SLC9B1: variants seen among roughly 807,000 people sequenced by gnomAD.
SLC9B1 encodes sodium/hydrogen exchanger 9B1.
In SLC9B1, 32 loss-of-function variants were observed where a neutral mutation model predicts 51.7. That is an observed-to-expected ratio of 0.62 (90% CI 0.47 to 0.83). SLC9B1 has a LOEUF of 0.83. Ranked by LOEUF, SLC9B1 falls within the 40% of genes least tolerant of loss-of-function variation. The probability of loss-of-function intolerance (pLI) is 0.00; values close to 1 mark genes in which losing one functional copy is unlikely to be tolerated. For synonymous variants in SLC9B1, 145 were observed against 212.7 expected, an observed-to-expected ratio of 0.68 and a Z score of 2.77; for missense variants, 406 against 613.2, an observed-to-expected ratio of 0.66 and a Z score of 3.57.
At chr4:102,915,117 T>C (rs1183476853) in intron 7 of SLC9B1, among the ~76,000 whole-genome samples, 2 of 147,086 alleles carry the variant, frequency 1.4e-5, no homozygotes, top group South Asian at 2.1e-4. Flanking sequence ...AAAAAAAAAC[T>C]GTCAACCAAG....
intron 7 of SLC9B1, among the ~76,000 whole-genome samples, chr4:102,915,783 G>A (rs2110437285): frequency 6.6e-6 from 1 of 152,316 alleles, no homozygotes; most frequent in Non-Finnish European, 1.5e-5. Flanking sequence ...TATATTGTGT[G>A]ACACTGATAA....
downstream of SLC9B1, among the ~76,000 whole-genome samples, chr4:102,898,894 G>GT (rs1176545100): frequency 6.6e-6 from 1 of 151,926 alleles, no homozygotes; most frequent in African/African-American, 2.4e-5. Flanking sequence ...CGCCTGGCTA[G>GT]TTTTTTGTAT....
intron 1 of SLC9B1, among the ~76,000 whole-genome samples, chr4:102,998,649 A>G (rs1483809497): frequency 4.0e-5 from 6 of 151,882 alleles, no homozygotes; most frequent in African/African-American, 1.5e-4. Flanking sequence ...ATTGACATCA[A>G]CGATGCACAA....
chr4:102,932,052 C>T (rs1736483844), intron 7 of SLC9B1, 72 bp downstream of exon 7: 1 of 1,445,258 alleles, frequency 6.9e-7, no homozygotes, highest in African/African-American at 1.4e-5. Context: ...GAAGCAAAGC[C>T]AGAAACCCTG....
intron 7 of SLC9B1, chr4:102,912,023 C>A: frequency 5.1e-6 from 1 of 197,172 alleles, no homozygotes; most frequent in Admixed American, 5.9e-5. Context: ...GTCCCAGGTA[C>A]TCGGGAGGCT....
At chr4:102,895,436 AAT>A (rs1489266867) in intron 11 of SLC9B1, among the ~76,000 whole-genome samples, 1 of 152,210 alleles carries the variant, frequency 6.6e-6, no homozygotes, top group Non-Finnish European at 1.5e-5. Context: ...TTAATGACAA[AAT>A]ATGTTTTATG....
intron 3 of SLC9B1, among the ~76,000 whole-genome samples, chr4:102,954,855 T>C (rs142621898): frequency 0.017 from 2,588 of 152,232 alleles, 72 homozygotes; most frequent in African/African-American, 0.056. Context: ...TCAGAGGATA[T>C]AAAGATAAGG....
At chr4:103,007,591 CTTTTTTTTTT>C (rs58447131) in intron 1 of SLC9B1, among the ~76,000 whole-genome samples, 12 of 107,716 alleles carry the variant, frequency 1.1e-4, no homozygotes, top group African/African-American at 3.9e-4. Context: ...CTCTTGTCAT[CTTTTTTTTTT>C]TTTTTTTTTT....
rs750030904 is a variant in SLC9B1 at position 102,906,611 on chromosome 4, C to T, written c.1120G>A (p.Asp374Asn). The T allele has an allele frequency of 6.9e-6, 11 of 1,588,176 alleles. No individual in the cohort carries two copies. The South Asian group carries it at 1.1e-4, about 16-fold the overall frequency. Residue 374 changes from aspartate (D) to asparagine (N), a missense_variant, in exon 10 of 12, where the codon GAT becomes AAT. Transcript: ENST00000296422. ...KVQKIITTVW[D>N]IFQPLLFGLV... is the part of the protein sequence containing the mutation. ...CCAAAAAGAAGTGGTTGAAAAATAT[C>T]CCATACAGTCGTAATAATCTTTTGG...
chr4:102,920,612 C>A (rs866371067), intron 7 of SLC9B1, among the ~76,000 whole-genome samples: 2 of 152,016 alleles, frequency 1.3e-5, no homozygotes, highest in South Asian at 4.2e-4. Context: ...CAAACTTCTC[C>A]GAGCTAAAGG....
At chr4:102,930,795 A>G (rs1312475612) in intron 7 of SLC9B1, among the ~76,000 whole-genome samples, 1 of 152,226 alleles carries the variant, frequency 6.6e-6, no homozygotes, top group African/African-American at 2.4e-5. Context: ...AATTTTGAAC[A>G]GGATAAGTAA....
At position 102,945,214 on chromosome 4, in the gene SLC9B1, C is replaced by A; in HGVS notation, c.632G>T (p.Trp211Leu). ...TTACCCTAATAGAAATGCCCATTGCCAGGGAAATTTCATAATGAAGTGTGA... is the reference window on the plus strand; with the variant it reads ...TTACCCTAATAGAAATGCCCATTGCAAGGGAAATTTCATAATGAAGTGTGA... The part of the protein sequence containing the change: ...VFSHFIMKFP[W>L]QWAFLLGFVL... The change falls in exon 6 of 12, where the codon TGG becomes TTG. Residue 211 changes from tryptophan (W) to leucine (L), a missense_variant. Transcript: ENST00000296422. The A allele has an allele frequency of 6.2e-7, 1 of 1,606,790 alleles. No individual in the cohort carries two copies. The highest frequency in any genetic ancestry group is 8.5e-7 in the Non-Finnish European group (1 of 1,175,324).
chr4:102,940,454 T>A (rs1286309653), intron 6 of SLC9B1, among the ~76,000 whole-genome samples: 1 of 152,116 alleles, frequency 6.6e-6, no homozygotes, highest in Non-Finnish European at 1.5e-5. Flanking sequence ...GAGTCAATGC[T>A]ATTCCTATCA....
intron 3 of SLC9B1, among the ~76,000 whole-genome samples, chr4:102,975,586 A>ATATTTTTTTTT (rs1217142990): frequency 9.6e-5 from 6 of 62,306 alleles, no homozygotes; most frequent in Admixed American, 8.6e-4. Context: ...ATATATATAT[A>ATATTTTTTTTT]TTTTTTTTTT....
chr4:102,963,727 C>T (rs188268971), intron 3 of SLC9B1, among the ~76,000 whole-genome samples: 79 of 152,224 alleles, frequency 5.2e-4, no homozygotes, highest in African/African-American at 1.8e-3. Flanking sequence ...TCCTTTTCCC[C>T]CAGCCTATTT....
intron 11 of SLC9B1, among the ~76,000 whole-genome samples, chr4:102,895,888 G>A (rs774488066): frequency 5.9e-5 from 9 of 152,214 alleles, no homozygotes; most frequent in Admixed American, 1.3e-4. Context: ...GATGGCCTCT[G>A]TGTATTGGTG....
At chr4:102,891,407 G>C (rs1172327902) in intron 11 of SLC9B1, 1 of 152,226 alleles carries the variant, frequency 6.6e-6, no homozygotes, top group Non-Finnish European at 1.5e-5. Flanking sequence ...TAAAGGCATA[G>C]CAGCTTGAGA....
chr4:102,960,269 G>A (rs1738034084), intron 3 of SLC9B1, among the ~76,000 whole-genome samples: 1 of 151,700 alleles, frequency 6.6e-6, no homozygotes, highest in African/African-American at 2.4e-5. Context: ...TTTAATAAGT[G>A]GTATAAAGGA....
intron 5 of SLC9B1, among the ~76,000 whole-genome samples, chr4:102,945,550 T>A (rs1037980208): frequency 6.6e-6 from 1 of 152,066 alleles, no homozygotes; most frequent in Non-Finnish European, 1.5e-5. Context: ...ATTTTAATTA[T>A]TAAAAGATCA....
Sources: allele counts gnomAD v4.1 joint callset (sites outside exome capture counted in the v4.1 genomes callset), GRCh38; gene constraint gnomAD v4.1.1; transcripts MANE v1.5; gene names NCBI Gene and HGNC (gene_info 2026-07-23, HGNC 2026-07-21).